CFAP54: variants seen among roughly 807,000 people sequenced by gnomAD.
The protein encoded by CFAP54 is cilia- and flagella-associated protein 54.
In CFAP54, 290 loss-of-function variants were observed where a neutral mutation model predicts 370.4. The observed-to-expected ratio is 0.78, with a 90% confidence interval of 0.71 to 0.86. The LOEUF is 0.86. Among genes scored for constraint, CFAP54 ranks in the 40% least tolerant of loss-of-function variants. CFAP54 has a pLI of 0.00. For synonymous variants in CFAP54, 1,206 were observed against 1,236.5 expected (o/e 0.98, Z 0.52); for missense variants, 3,399 against 3,528.7 (o/e 0.96, Z 0.93).
chr12:96,641,067 T>C (rs2136487845), intron 32 of CFAP54, among the ~76,000 whole-genome samples: 1 of 152,174 alleles, frequency 6.6e-6, no homozygotes, highest in East Asian at 1.9e-4. Context: ...AAAGCCAAAA[T>C]TGACAAATGG....
At chr12:96,494,456 A>T (rs529927928) in intron 1 of CFAP54, among the ~76,000 whole-genome samples, 14 of 152,106 alleles carry the variant, frequency 9.2e-5, no homozygotes, top group Admixed American at 6.5e-4. Context: ...GCATGCCACC[A>T]CGCCCGGCTA....
chr12:96,740,805 G>A (rs1958041988), intron 51 of CFAP54, among the ~76,000 whole-genome samples: 1 of 152,130 alleles, frequency 6.6e-6, no homozygotes, highest in Admixed American at 6.6e-5. Flanking sequence ...CCTCCCGGGG[G>A]AAATTTGGCA....
chr12:96,757,462 C>A, intron 57 of CFAP54, 33 bp from the exon 58 acceptor site: 1 of 1,204,052 alleles, frequency 8.3e-7, no homozygotes, highest in Non-Finnish European at 1.2e-6. Context: ...CATGGTGAAG[C>A]TATTTAATAA....
At chr12:96,628,363 A>G (rs867262269) in intron 30 of CFAP54, among the ~76,000 whole-genome samples, 4 of 152,186 alleles carry the variant, frequency 2.6e-5, no homozygotes, top group Non-Finnish European at 4.4e-5. Flanking sequence ...AATTTATTCA[A>G]TGGATGAAGG....
chr12:96,585,002 C>T (rs1956062887), intron 22 of CFAP54, among the ~76,000 whole-genome samples: 2 of 151,780 alleles, frequency 1.3e-5, no homozygotes, highest in Non-Finnish European at 2.9e-5. Context: ...GTGATTGGCC[C>T]ACCCAGTATA....
At chr12:96,581,555 G>C (rs1242060627) in intron 22 of CFAP54, among the ~76,000 whole-genome samples, 1 of 152,068 alleles carries the variant, frequency 6.6e-6, no homozygotes, top group Non-Finnish European at 1.5e-5. Flanking sequence ...GTACCGGATA[G>C]CCCGCATAGC....
intron 12 of CFAP54, among the ~76,000 whole-genome samples, chr12:96,537,750 A>G (rs571308611): frequency 7.9e-5 from 12 of 152,094 alleles, no homozygotes; most frequent in Non-Finnish European, 1.3e-4. Context: ...ATGTTTGGGA[A>G]TTTTCTTTTT....
intron 67 of CFAP54, among the ~76,000 whole-genome samples, chr12:96,866,541 C>T (rs543194333): frequency 7.2e-5 from 11 of 152,178 alleles, no homozygotes; most frequent in African/African-American, 2.6e-4. Flanking sequence ...CAGATTCTGC[C>T]CAAGTACAAA....
At position 96,833,506 on chromosome 12, in the gene CFAP54, ACGTGTGTG is replaced by A. The variant is rs1478472135; in HGVS notation, c.9171+4419_9171+4426del. ...TTTGCCTAATCAATTACACACGCGT[ACGTGTGTG>A]TGTGTGTGTGTGTGTGTGTGTGTGT... On this transcript the variant is annotated intron_variant, in intron 66 of 67. Transcript: ENST00000524981. Among the ~76,000 whole-genome samples, 52 of 96,160 alleles carry A rather than the reference ACGTGTGTG, an allele frequency of 5.4e-4. 1 individual carries two copies. The highest frequency in any genetic ancestry group is 1.5e-3 in the Admixed American group (14 of 9,198). The allele number at this position is 96,160 out of a possible 152,430, so 63.1% of individuals were successfully genotyped here.
intron 64 of CFAP54, among the ~76,000 whole-genome samples, chr12:96,812,593 AAGAT>A (rs1958938485): frequency 6.6e-6 from 1 of 152,226 alleles, no homozygotes; most frequent in Non-Finnish European, 1.5e-5. Context: ...TGTCAGGACT[AAGAT>A]AGACAGTGTG....
intron 22 of CFAP54, among the ~76,000 whole-genome samples, chr12:96,584,771 G>A (rs1443451385): frequency 6.6e-6 from 1 of 152,138 alleles, no homozygotes; most frequent in Non-Finnish European, 1.5e-5. Context: ...CTAGGCCCTG[G>A]GAATGCAGCA....
chr12:96,677,178 AT>A (rs762328704), intron 39 of CFAP54, among the ~76,000 whole-genome samples: 2 of 114,568 alleles, frequency 1.7e-5, no homozygotes, highest in Non-Finnish European at 3.9e-5. Flanking sequence ...AACTTATTTT[AT>A]TTTATTTTTT....
chr12:96,726,837 AC>A (rs1957846248), intron 50 of CFAP54, among the ~76,000 whole-genome samples: 2 of 150,782 alleles, frequency 1.3e-5, no homozygotes, highest in African/African-American at 4.9e-5. Flanking sequence ...CCCTCTACAC[AC>A]TGCTTTGAAT....
At chr12:96,798,629 C>G (rs552676707) in intron 63 of CFAP54, among the ~76,000 whole-genome samples, 1 of 152,244 alleles carries the variant, frequency 6.6e-6, no homozygotes, top group East Asian at 1.9e-4. Context: ...TCATCTCTGC[C>G]ACTTAACAGT....
At chr12:96,736,457 A>G (rs536861573) in intron 50 of CFAP54, among the ~76,000 whole-genome samples, 2 of 152,202 alleles carry the variant, frequency 1.3e-5, no homozygotes, top group Non-Finnish European at 2.9e-5. Context: ...AGGCAGGGTC[A>G]TGAAAGAATA....
chr12:96,699,790 G>T (rs1283446434), intron 45 of CFAP54, among the ~76,000 whole-genome samples, 181 bp from the exon 46 acceptor site: 1 of 152,126 alleles, frequency 6.6e-6, no homozygotes, highest in Non-Finnish European at 1.5e-5. Context: ...ATGTGTATGG[G>T]CATACACATA....
At chr12:96,682,525 A>G (rs1648191156) in intron 40 of CFAP54, among the ~76,000 whole-genome samples, 1 of 151,960 alleles carries the variant, frequency 6.6e-6, no homozygotes, top group Non-Finnish European at 1.5e-5. Flanking sequence ...ACAGGCTCAC[A>G]CCACCACACC....
chr12:96,700,420 CATT>C (rs1957479485), intron 46 of CFAP54, among the ~76,000 whole-genome samples: 2 of 152,146 alleles, frequency 1.3e-5, no homozygotes, highest in Admixed American at 1.3e-4. Context: ...TTGAGTCTAA[CATT>C]ATAATTTCTG....
chr12:96,531,121 C>T (rs564352093), intron 9 of CFAP54, among the ~76,000 whole-genome samples: 1 of 152,118 alleles, frequency 6.6e-6, no homozygotes, highest in East Asian at 1.9e-4. Context: ...TTTTTTTCTC[C>T]TCATCATTAC....
Sources: gnomAD v4.1 joint callset for allele counts (sites outside exome capture counted in the v4.1 genomes callset) on GRCh38, gnomAD v4.1.1 for gene constraint, MANE v1.5 for transcripts, NCBI Gene and HGNC (gene_info 2026-07-23, HGNC 2026-07-21) for gene names.